Variants in FRMD6 observed in about 807,000 individuals in gnomAD.
FRMD6 encodes the protein FERM domain containing 6, also known as FERM domain-containing protein 6.
Under a neutral mutation model 73.2 loss-of-function variants are expected in FRMD6, and 37 were observed. That is an observed-to-expected ratio of 0.51 (90% CI 0.39 to 0.66). The LOEUF (loss-of-function observed/expected upper bound fraction) is 0.66, where lower values mean the gene tolerates loss of function less well. Among genes scored for constraint, FRMD6 ranks in the 30% least tolerant of loss-of-function variants. The pLI is 0.00. For missense variants in FRMD6, 714 were observed against 780.5 expected (o/e 0.91, Z 1.02); for synonymous variants, 273 against 282.2 (o/e 0.97, Z 0.33).
chr14:51,552,509 T>G (rs1264772280), intron 1 of FRMD6, among the ~76,000 whole-genome samples: 1 of 152,234 alleles, frequency 6.6e-6, no homozygotes, highest in Non-Finnish European at 1.5e-5. Context: ...GGGAACCCAC[T>G]GCAGTCACTC....
At chr14:51,481,018 T>C in the FRMD6 span, among the ~76,000 whole-genome samples, 20 of 152,298 alleles carry the variant, frequency 1.3e-4, no homozygotes, top group Admixed American at 1.2e-3. Context: ...ACATGTAAAA[T>C]ACTAAGAGTA....
chr14:51,612,389 C>T (rs1363497856), intron 2 of FRMD6, among the ~76,000 whole-genome samples: 1 of 152,174 alleles, frequency 6.6e-6, no homozygotes, highest in South Asian at 2.1e-4. Context: ...TGTTGAATAA[C>T]TCAGGGAATG....
At chr14:51,527,389 G>T (rs1164290694) in intron 1 of FRMD6, among the ~76,000 whole-genome samples, 2 of 152,204 alleles carry the variant, frequency 1.3e-5, no homozygotes, top group Non-Finnish European at 2.9e-5. Flanking sequence ...TGGCTAAACA[G>T]CTTGTCCCCA....
intron 1 of FRMD6, among the ~76,000 whole-genome samples, chr14:51,674,822 C>T (rs1400682779): frequency 6.6e-6 from 1 of 152,008 alleles, no homozygotes; most frequent in Non-Finnish European, 1.5e-5. Flanking sequence ...AACCGAACAA[C>T]CAGATGATCC....
chr14:51,692,988 G>A (rs905535948), intron 2 of FRMD6: 4 of 152,136 alleles, frequency 2.6e-5, no homozygotes, highest in Admixed American at 1.3e-4. Context: ...CTGGTTACTC[G>A]ATTGTGTTTC....
chr14:51,553,812 G>A (rs1200508653), intron 1 of FRMD6, among the ~76,000 whole-genome samples: 12 of 152,138 alleles, frequency 7.9e-5, no homozygotes, highest in African/African-American at 1.4e-4. Context: ...TTTACCGAGC[G>A]GATGAGGGGC....
At position 51,708,223 on chromosome 14, in the gene FRMD6, G is replaced by T. The variant is rs1366503817; in HGVS notation, c.704G>T (p.Arg235Ile). 1 of 1,612,790 alleles carries T rather than the reference G, an allele frequency of 6.2e-7. No homozygotes were observed. Among genetic ancestry groups the T allele is most frequent in the African/African-American group, 1.3e-5 (1 of 74,936 alleles). Residue 235 changes from arginine to isoleucine, a missense_variant, in exon 7 of 14, where the codon AGA becomes ATA. Arg to Ile is a moderately conservative substitution (Grantham distance 97). Transcript: ENST00000344768. ...RLDDVAVHYY[R>I]LYKDKREIEA... ...GATGACGTCGCTGTTCATTACTACA[G>T]ATTGTATAAGGTATGAAACGGCAAC... is the stretch of plus-strand genomic sequence containing the variant.
intron 2 of FRMD6, among the ~76,000 whole-genome samples, chr14:51,595,157 G>A (rs990211991): frequency 1.3e-5 from 2 of 152,172 alleles, no homozygotes; most frequent in African/African-American, 2.4e-5. Flanking sequence ...CTAAGTAGAT[G>A]CTTAAGCAAT....
chr14:51,530,000 T>C (rs75048733), intron 1 of FRMD6, among the ~76,000 whole-genome samples: 8,468 of 152,344 alleles, frequency 0.056, 300 homozygotes, highest in South Asian at 0.13. Context: ...AATTGTGAGC[T>C]GGAGCCAGCT....
intron 2 of FRMD6, among the ~76,000 whole-genome samples, chr14:51,642,871 T>G (rs1891873271): frequency 2.0e-5 from 3 of 152,042 alleles, no homozygotes; most frequent in African/African-American, 7.2e-5. Flanking sequence ...AACAAATCAA[T>G]GATGGAGAAA....
At chr14:51,685,414 CAT>C (rs2140329274) in intron 1 of FRMD6, among the ~76,000 whole-genome samples, 1 of 152,276 alleles carries the variant, frequency 6.6e-6, no homozygotes, top group East Asian at 1.9e-4. Flanking sequence ...CCATCTATAT[CAT>C]ATGCTTATTG....
chr14:51,513,756 C>T (rs1041122433), intron 1 of FRMD6, among the ~76,000 whole-genome samples: 5 of 151,708 alleles, frequency 3.3e-5, no homozygotes, highest in Non-Finnish European at 7.4e-5. Context: ...TCTGAAATTC[C>T]ATGTCTCCCT....
At chr14:51,519,021 A>G (rs891634641) in intron 1 of FRMD6, among the ~76,000 whole-genome samples, 6 of 152,238 alleles carry the variant, frequency 3.9e-5, no homozygotes, top group African/African-American at 7.2e-5. Context: ...AATGAACAAG[A>G]TAGTCTTGTC....
intron 1 of FRMD6, among the ~76,000 whole-genome samples, chr14:51,652,434 TGGCGGGCCCCG>T (rs1214321235): frequency 1.3e-5 from 2 of 152,160 alleles, no homozygotes; most frequent in Non-Finnish European, 2.9e-5. Flanking sequence ...CAGGGCTCCC[TGGCGGGCCCCG>T]GCACCCAGGT....
intron 1 of FRMD6, among the ~76,000 whole-genome samples, chr14:51,559,112 C>T (rs1388298962): frequency 6.6e-6 from 1 of 152,170 alleles, no homozygotes; most frequent in African/African-American, 2.4e-5. Flanking sequence ...AATGAAGTTG[C>T]TAGGTGAGAG....
intron 10 of FRMD6, among the ~76,000 whole-genome samples, chr14:51,716,011 A>G (rs1171767342): frequency 6.6e-6 from 1 of 152,194 alleles, no homozygotes; most frequent in Non-Finnish European, 1.5e-5. Flanking sequence ...AGTCTGTTCT[A>G]GCAAGAGTGC....
intron 1 of FRMD6, among the ~76,000 whole-genome samples, chr14:51,518,476 G>A (rs1263016776): frequency 1.3e-5 from 2 of 152,138 alleles, no homozygotes; most frequent in Non-Finnish European, 2.9e-5. Context: ...CTGTGTAGTG[G>A]GGATAAGTGT....
At chr14:51,414,965 T>TG in the FRMD6 span, among the ~76,000 whole-genome samples, 3 of 152,148 alleles carry the variant, frequency 2.0e-5, no homozygotes, top group Admixed American at 6.5e-5. Context: ...CTGTTATTGG[T>TG]GTATAGGAAT....
At chr14:51,444,485 G>A in the FRMD6 span, among the ~76,000 whole-genome samples, 1 of 152,230 alleles carries the variant, frequency 6.6e-6, no homozygotes, top group Non-Finnish European at 1.5e-5. Context: ...TCCCTGGACA[G>A]TCTGTAACGA....
Sources: allele counts gnomAD v4.1 joint callset (sites outside exome capture counted in the v4.1 genomes callset), GRCh38; gene constraint gnomAD v4.1.1; transcripts MANE v1.5; gene names NCBI Gene and HGNC (gene_info 2026-07-23, HGNC 2026-07-21).